Variants in AIMP1 observed in about 807,000 individuals in gnomAD.
AIMP1 encodes aminoacyl tRNA synthase complex-interacting multifunctional protein 1.
Under a neutral mutation model 33.1 loss-of-function variants are expected in AIMP1, and 24 were observed. The observed-to-expected ratio is 0.73, with a 90% CI of 0.53 to 1.02. The LOEUF (loss-of-function observed/expected upper bound fraction) is 1.02, where lower values mean the gene tolerates loss of function less well. Among genes scored for constraint, AIMP1 ranks in the 50% least tolerant of loss-of-function variants. The probability of loss-of-function intolerance (pLI) is 0.00; values close to 1 mark genes in which losing one functional copy is unlikely to be tolerated. For synonymous variants in AIMP1, 120 were observed against 121.5 expected (o/e 0.99, Z 0.08); for missense variants, 367 against 364.8 (o/e 1.01, Z -0.05).
chr4:106,328,863 T>G (rs933713310), intron 4 of AIMP1, among the ~76,000 whole-genome samples: 3 of 152,080 alleles, frequency 2.0e-5, no homozygotes, highest in Non-Finnish European at 2.9e-5. Context: ...TCAGTTCAGG[T>G]TTTCAACGAT....
intron 4 of AIMP1, 106 bp downstream of exon 4, chr4:106,328,349 A>T: frequency 7.5e-7 from 1 of 1,327,342 alleles, no homozygotes; most frequent in African/African-American, 1.5e-5. Flanking sequence ...TTCAACTTTC[A>T]TGAGCTAGGA....
chr4:106,320,299 T>G (rs1386508988), intron 1 of AIMP1, among the ~76,000 whole-genome samples: 1 of 152,210 alleles, frequency 6.6e-6, no homozygotes, highest in Non-Finnish European at 1.5e-5. Context: ...AAGCGTAACA[T>G]TATTTTAAAA....
intron 1 of AIMP1, among the ~76,000 whole-genome samples, chr4:106,324,320 A>T (rs1266580668): frequency 6.6e-6 from 1 of 151,982 alleles, no homozygotes; most frequent in Non-Finnish European, 1.5e-5. Context: ...GGCAGTTTAA[A>T]TTTTAACATG....
intron 1 of AIMP1, among the ~76,000 whole-genome samples, chr4:106,324,529 T>G (rs1239062306): frequency 2.6e-5 from 4 of 152,072 alleles, no homozygotes; most frequent in Non-Finnish European, 5.9e-5. Context: ...TATTTATCTT[T>G]CCTAATTGAC....
rs190435290 is a variant in AIMP1 at position 106,338,454 on chromosome 4, G to A, written c.772+1417G>A. Among the ~76,000 whole-genome samples, 13 of 152,322 alleles carry A rather than the reference G, an allele frequency of 8.5e-5. No individual in the cohort carries two copies. The East Asian group carries it at 2.5e-3, about 29-fold the overall frequency. ...GCTGCTGCAGCCATGGCTAAAAAGG[G>A]CTAAGGTACAGCTCAGGCCCTTGCT... On this transcript the variant is annotated intron_variant, in intron 6 of 6. Coordinates refer to ENST00000672341, the MANE Select transcript of AIMP1 (RefSeq NM_001142416.2).
At chr4:106,326,154 G>T (rs1161297039) in intron 2 of AIMP1, among the ~76,000 whole-genome samples, 1 of 152,030 alleles carries the variant, frequency 6.6e-6, no homozygotes, top group East Asian at 1.9e-4. Flanking sequence ...AATAAAACAA[G>T]GTACAGTCTA....
intron 6 of AIMP1, among the ~76,000 whole-genome samples, chr4:106,339,190 TG>T (rs1770004425): frequency 6.6e-6 from 1 of 152,192 alleles, no homozygotes; most frequent in Non-Finnish European, 1.5e-5. Flanking sequence ...AATACTGAAA[TG>T]AGTTAAGACT....
chr4:106,329,789 T>C (rs1769603678), intron 4 of AIMP1, among the ~76,000 whole-genome samples: 1 of 134,012 alleles, frequency 7.5e-6, no homozygotes, highest in African/African-American at 2.8e-5. Flanking sequence ...TTTTTTTTTT[T>C]TTTTTTTTTT....
chr4:106,337,517 T>G (rs1769933139), intron 6 of AIMP1, among the ~76,000 whole-genome samples: 1 of 152,218 alleles, frequency 6.6e-6, no homozygotes, highest in South Asian at 2.1e-4. Context: ...GCCATGATCG[T>G]GAGGCCTCTG....
intron 6 of AIMP1, 72 bp from the exon 7 acceptor site, chr4:106,347,454 C>A: frequency 7.1e-7 from 1 of 1,402,582 alleles, no homozygotes; most frequent in East Asian, 2.5e-5. Flanking sequence ...CTGGAAATCT[C>A]TGTGAATAGT....
rs112303272 is a variant in AIMP1, at chr4:106,325,169, T to C, written c.109+51T>C. 999 of 1,463,482 alleles carry C rather than the reference T, an allele frequency of 6.8e-4. 4 individuals are homozygous for C. In the African/African-American group the frequency reaches 0.012, roughly 18 times the overall value. The allele number at this position is 1,463,482 out of a possible 1,614,324, so 90.7% of individuals were successfully genotyped here. ...GAGATACTTAAAATGAATTCATACA[T>C]TGATGGAGAAAAAATAATGTTTACC... is the stretch of plus-strand genomic sequence containing the variant. On this transcript the variant is annotated intron_variant, in intron 2 of 6. Transcript: ENST00000672341.
At chr4:106,325,418 G>A (rs1458502705) in intron 2 of AIMP1, among the ~76,000 whole-genome samples, 2 of 151,846 alleles carry the variant, frequency 1.3e-5, no homozygotes, top group African/African-American at 2.4e-5. Context: ...ACAAAAACCT[G>A]TATTTACTCT....
chr4:106,319,448 T>C (rs78346275), intron 1 of AIMP1, among the ~76,000 whole-genome samples: 2,377 of 152,316 alleles, frequency 0.016, 30 homozygotes, highest in Non-Finnish European at 0.026. Context: ...GTATGATTAA[T>C]GGCTTTTTAG....
chr4:106,328,816 AC>A (rs756482829), intron 4 of AIMP1, among the ~76,000 whole-genome samples: 1 of 152,032 alleles, frequency 6.6e-6, no homozygotes, highest in Non-Finnish European at 1.5e-5. Flanking sequence ...ACATACATAG[AC>A]CCCAGCTCTG....
intron 2 of AIMP1, 61 bp from the exon 3 acceptor site, chr4:106,327,390 A>G (rs1025795914): frequency 5.6e-6 from 7 of 1,239,494 alleles, no homozygotes; most frequent in South Asian, 1.2e-5. Flanking sequence ...CTTCTTTTCA[A>G]ATAGTATTCA....
At chr4:106,321,565 C>T (rs1769245238) in intron 1 of AIMP1, 1 of 153,740 alleles carries the variant, frequency 6.5e-6, no homozygotes, top group East Asian at 2.0e-4. Context: ...GGCAGCGGCC[C>T]CGTCCGGGAG....
chr4:106,324,349 G>A (rs1009557556), intron 1 of AIMP1, among the ~76,000 whole-genome samples: 12 of 151,772 alleles, frequency 7.9e-5, no homozygotes, highest in African/African-American at 2.9e-4. Flanking sequence ...ATCTCAGAAT[G>A]TTTGCTTACA....
Position 106,331,778 on chromosome 4 carries a change from A to G in AIMP1, c.498A>G (p.Arg166=), listed in dbSNP as rs1769688614. Residue 166 remains arginine (R), a synonymous_variant, in exon 5 of 7, where the codon AGA becomes AGG. Transcript: ENST00000672341. ...DLRIGCIITA[R]KHPDADSLYV... Reference sequence around the variant, plus strand: ...GAATTGGTTGCATCATAACTGCTAGAAAACACCCTGATGCAGATTCTTTGT... The same window carrying G: ...GAATTGGTTGCATCATAACTGCTAGGAAACACCCTGATGCAGATTCTTTGT... The G allele has an allele frequency of 6.2e-7, 1 of 1,614,036 alleles. No homozygotes were observed. Among genetic ancestry groups the G allele is most frequent in the Non-Finnish European group, 8.5e-7 (1 of 1,180,012 alleles).
rs1554000880 is a variant in AIMP1 at position 106,329,772 on chromosome 4, C to CCTT, written c.391+1529_391+1530insCTT. Among the ~76,000 whole-genome samples the CCTT allele has an allele frequency of 5.8e-3, 310 of 53,092 alleles. 19 individuals are homozygous for CCTT. The highest frequency in any genetic ancestry group is 9.1e-3 in the Non-Finnish European group (241 of 26,574). 34.8% of individuals were successfully genotyped at this position (53,092 alleles called of 152,430 possible). A position where few individuals can be genotyped will look rare whatever the true frequency, so the allele number is the denominator to read the frequency against. On this transcript the variant is annotated intron_variant, in intron 4 of 6. Transcript: ENST00000672341. ...ATGATCTTTCTAGACTGCTACATATCTTTTTTTTTTTTTTTTTTTTTTTTT... is the reference window on the plus strand; with the variant it reads ...ATGATCTTTCTAGACTGCTACATATCCTTTTTTTTTTTTTTTTTTTTTTTTTTT...
Sources: allele counts gnomAD v4.1 joint callset (sites outside exome capture counted in the v4.1 genomes callset), GRCh38; gene constraint gnomAD v4.1.1; transcripts MANE v1.5; gene names NCBI Gene and HGNC (gene_info 2026-07-23, HGNC 2026-07-21).